The following MCMDC2 variants were observed in gnomAD, a reference collection of about 807,000 sequenced individuals.
The protein encoded by MCMDC2 is minichromosome maintenance domain-containing protein 2.
Under a neutral mutation model 75.8 loss-of-function variants are expected in MCMDC2, and 54 were observed. The ratio of observed to expected loss-of-function variants is 0.71; its 90% confidence interval spans 0.57 to 0.89. The LOEUF (loss-of-function observed/expected upper bound fraction) is 0.89, where lower values mean the gene tolerates loss of function less well. MCMDC2 is among the 40% of genes least tolerant of loss of function. MCMDC2 has a pLI of 0.00. For synonymous variants in MCMDC2, 249 were observed against 274.6 expected (o/e 0.91, Z 0.92); for missense variants, 656 against 780.4 (o/e 0.84, Z 1.90).
At chr8:66,918,002 C>G (rs1403416671) in intron 14 of MCMDC2, among the ~76,000 whole-genome samples, 1 of 152,190 alleles carries the variant, frequency 6.6e-6, no homozygotes, top group Admixed American at 6.5e-5. Flanking sequence ...AGTGGGTGCA[C>G]CATTTTCCAT....
chr8:66,875,574 C>T (rs760510087), intron 4 of MCMDC2, among the ~76,000 whole-genome samples: 1 of 152,172 alleles, frequency 6.6e-6, no homozygotes, highest in African/African-American at 2.4e-5. Flanking sequence ...CTACTGTGCC[C>T]GGCCATGGAC....
chr8:66,882,922 G>A (rs1811659334), intron 8 of MCMDC2, among the ~76,000 whole-genome samples: 1 of 152,210 alleles, frequency 6.6e-6, no homozygotes. Context: ...GGTGGAGAGT[G>A]TGCTTTCTTA....
chr8:66,875,946 T>C (rs1305920405), intron 4 of MCMDC2, among the ~76,000 whole-genome samples: 3 of 152,208 alleles, frequency 2.0e-5, no homozygotes, highest in East Asian at 3.8e-4. Context: ...TGTAAAGGCT[T>C]TTTAGATTCA....
intron 12 of MCMDC2, among the ~76,000 whole-genome samples, chr8:66,899,460 A>G (rs1812525514): frequency 6.6e-6 from 1 of 152,202 alleles, no homozygotes; most frequent in South Asian, 2.1e-4. Context: ...GCCAGGATAT[A>G]CATCCAATCC....
At chr8:66,925,307 C>G (rs1813687827), downstream of MCMDC2, 1 of 152,372 alleles carries the variant, frequency 6.6e-6, no homozygotes. Context: ...GGGAGCGTAG[C>G]CTTTTGGCCT....
chr8:66,913,824 TGTG>T (rs746211205), intron 14 of MCMDC2, among the ~76,000 whole-genome samples: 50 of 149,192 alleles, frequency 3.4e-4, no homozygotes, highest in South Asian at 4.2e-4. Context: ...ATTAGCCGGG[TGTG>T]GTGGTGTGTG....
intron 9 of MCMDC2, chr8:66,884,304 C>G: frequency 2.7e-6 from 1 of 370,318 alleles, no homozygotes; most frequent in Non-Finnish European, 4.8e-6. Context: ...AATAGTCTTC[C>G]CCCTAAGGAA....
At chr8:66,915,970 T>G (rs570860134) in intron 14 of MCMDC2, among the ~76,000 whole-genome samples, 1 of 152,214 alleles carries the variant, frequency 6.6e-6, no homozygotes, top group East Asian at 1.9e-4. Context: ...TACTGAGAGT[T>G]TGAGTAAGAT....
At chr8:66,924,180 G>A (rs1262031615), downstream of MCMDC2, among the ~76,000 whole-genome samples, 1 of 151,908 alleles carries the variant, frequency 6.6e-6, no homozygotes, top group Non-Finnish European at 1.5e-5. Context: ...TCAAGCTACT[G>A]AAGCCTCAAA....
chr8:66,871,900 CAAA>C (rs397939776), intron 1 of MCMDC2, among the ~76,000 whole-genome samples: 7 of 138,722 alleles, frequency 5.0e-5, no homozygotes, highest in Admixed American at 4.4e-4. Context: ...GACCCTGTCT[CAAA>C]AAAAAAAAAA....
intron 1 of MCMDC2, among the ~76,000 whole-genome samples, chr8:66,873,407 A>G (rs1048675898): frequency 6.6e-6 from 1 of 152,190 alleles, no homozygotes; most frequent in Non-Finnish European, 1.5e-5. Context: ...ATATTTTGTT[A>G]CTTAGATTGA....
At chr8:66,893,692 G>A (rs1812216573) in intron 10 of MCMDC2, among the ~76,000 whole-genome samples, 2 of 152,192 alleles carry the variant, frequency 1.3e-5, no homozygotes, top group African/African-American at 4.8e-5. Flanking sequence ...GATGAGATTT[G>A]GGTGGGGACA....
At chr8:66,905,592 G>T (rs975647189) in intron 14 of MCMDC2, among the ~76,000 whole-genome samples, 5 of 151,872 alleles carry the variant, frequency 3.3e-5, no homozygotes, top group African/African-American at 1.2e-4. Context: ...AGAATTCTGG[G>T]GGAAAAAGTA....
intron 14 of MCMDC2, among the ~76,000 whole-genome samples, chr8:66,905,674 C>T (rs1812877576): frequency 6.6e-6 from 1 of 152,110 alleles, no homozygotes; most frequent in Non-Finnish European, 1.5e-5. Context: ...AGGTATCAAA[C>T]AATCCCCCAC....
At chr8:66,880,763 T>C in intron 7 of MCMDC2, 86 bp from the exon 8 acceptor site, 1 of 1,256,390 alleles carries the variant, frequency 8.0e-7, no homozygotes, top group African/African-American at 1.6e-5. Flanking sequence ...TGAATTGTTT[T>C]ACTAGTTCTG....
At chr8:66,908,333 T>C (rs576803622) in intron 14 of MCMDC2, among the ~76,000 whole-genome samples, 174 of 152,314 alleles carry the variant, frequency 1.1e-3, no homozygotes, top group African/African-American at 3.9e-3. Flanking sequence ...GGGAATCCTT[T>C]CCCCATTGCT....
intron 4 of MCMDC2, among the ~76,000 whole-genome samples, chr8:66,876,962 A>G (rs568968664): frequency 8.5e-5 from 13 of 152,116 alleles, no homozygotes; most frequent in African/African-American, 2.9e-4. Flanking sequence ...GGGTTTCACC[A>G]TGTTAGCCAG....
At chr8:66,877,303 A>T in intron 4 of MCMDC2, 46 bp from the exon 5 acceptor site, 1 of 1,254,352 alleles carries the variant, frequency 8.0e-7, no homozygotes, top group Non-Finnish European at 1.1e-6. Context: ...TACAAGTCAA[A>T]TTGGATTTGC....
chr8:66,902,730 A>G (rs1252890350), intron 13 of MCMDC2, among the ~76,000 whole-genome samples: 13 of 142,588 alleles, frequency 9.1e-5, no homozygotes, highest in Non-Finnish European at 2.0e-4. Flanking sequence ...ATATATATAT[A>G]TATATATATA....
Sources: gnomAD v4.1 joint callset for allele counts (sites outside exome capture counted in the v4.1 genomes callset) on GRCh38, gnomAD v4.1.1 for gene constraint, MANE v1.5 for transcripts, NCBI Gene and HGNC (gene_info 2026-07-23, HGNC 2026-07-21) for gene names.